LMNTD1: variants seen among roughly 807,000 people sequenced by gnomAD.
The protein encoded by LMNTD1 is lamin tail domain containing 1.
Under a neutral mutation model 50.9 loss-of-function variants are expected in LMNTD1, and 35 were observed. The ratio of observed to expected loss-of-function variants is 0.69; its 90% CI spans 0.53 to 0.91. The LOEUF (loss-of-function observed/expected upper bound fraction) is 0.91, where lower values mean the gene tolerates loss of function less well. Ranked by LOEUF, LMNTD1 falls within the 40% of genes least tolerant of loss-of-function variation. LMNTD1 has a pLI of 0.00. For missense variants in LMNTD1, 470 were observed against 475.5 expected, an observed-to-expected ratio of 0.99 and a Z score of 0.11; for synonymous variants, 153 against 161.9, an observed-to-expected ratio of 0.94 and a Z score of 0.42.
At chr12:25,521,623 T>A (rs930926990) in intron 6 of LMNTD1, among the ~76,000 whole-genome samples, 1 of 152,208 alleles carries the variant, frequency 6.6e-6, no homozygotes, top group African/African-American at 2.4e-5. Flanking sequence ...TGGGAACTGC[T>A]TTATTGAAGT....
chr12:25,590,710 C>T (rs1945671516), intron 1 of LMNTD1, among the ~76,000 whole-genome samples: 1 of 152,128 alleles, frequency 6.6e-6, no homozygotes, highest in Non-Finnish European at 1.5e-5. Flanking sequence ...GAACGTCAGC[C>T]ACAGCAGGAT....
chr12:25,542,557 T>A (rs1943158495), intron 4 of LMNTD1, among the ~76,000 whole-genome samples: 2 of 107,304 alleles, frequency 1.9e-5, no homozygotes, highest in African/African-American at 3.6e-5. Flanking sequence ...AACATTACAC[T>A]CTGGGGACTG....
intron 1 of LMNTD1, among the ~76,000 whole-genome samples, chr12:25,606,398 C>T (rs1055739708): frequency 2.6e-5 from 4 of 152,096 alleles, no homozygotes; most frequent in African/African-American, 7.2e-5. Flanking sequence ...GAGGGCATCC[C>T]TGTCTTGTGC....
At chr12:25,598,336 C>G (rs1347308976) in intron 1 of LMNTD1, among the ~76,000 whole-genome samples, 1 of 151,784 alleles carries the variant, frequency 6.6e-6, no homozygotes, top group Non-Finnish European at 1.5e-5. Context: ...ATACCAAAAC[C>G]TATGGAATAT....
chr12:25,503,500 T>C (rs796965404), intron 9 of LMNTD1, among the ~76,000 whole-genome samples: 42 of 152,300 alleles, frequency 2.8e-4, no homozygotes, highest in African/African-American at 9.6e-4. Flanking sequence ...ATTGAGGATA[T>C]GGGGCAAAAA....
chr12:25,594,665 A>AC (rs1353975484), intron 1 of LMNTD1, among the ~76,000 whole-genome samples: 2 of 150,470 alleles, frequency 1.3e-5, no homozygotes, highest in African/African-American at 4.9e-5. Context: ...AAAAAAAAAA[A>AC]AAAAAAAAAA....
chr12:25,578,708 C>T (rs1422206555), intron 1 of LMNTD1, among the ~76,000 whole-genome samples: 2 of 152,142 alleles, frequency 1.3e-5, no homozygotes, highest in African/African-American at 4.8e-5. Flanking sequence ...TACTATAACA[C>T]AGCATATGCA....
At chr12:25,533,805 A>C (rs893460777) in intron 4 of LMNTD1, among the ~76,000 whole-genome samples, 5 of 152,200 alleles carry the variant, frequency 3.3e-5, no homozygotes, top group African/African-American at 1.2e-4. Context: ...CCAAGGGAAG[A>C]ATAAATGGGG....
intron 1 of LMNTD1, among the ~76,000 whole-genome samples, chr12:25,626,341 TACAC>T (rs1555124910): frequency 6.7e-6 from 1 of 150,314 alleles, no homozygotes. Context: ...TATATATATA[TACAC>T]ACACACACAC....
intron 4 of LMNTD1, among the ~76,000 whole-genome samples, chr12:25,543,220 T>C (rs1943215580): frequency 6.6e-6 from 1 of 151,862 alleles, no homozygotes; most frequent in African/African-American, 2.4e-5. Context: ...TTCTACACAA[T>C]CTCTTCTAGA....
intron 3 of LMNTD1, chr12:25,547,193 A>G: frequency 2.1e-6 from 2 of 964,604 alleles, no homozygotes; most frequent in Non-Finnish European, 2.5e-6. Context: ...TTCTGGACAA[A>G]TCTAATAATA....
intron 1 of LMNTD1, among the ~76,000 whole-genome samples, chr12:25,648,251 C>G (rs1265837352): frequency 6.6e-6 from 1 of 152,172 alleles, no homozygotes; most frequent in Non-Finnish European, 1.5e-5. Flanking sequence ...GCTACACATA[C>G]CATTTCAACA....
intron 4 of LMNTD1, among the ~76,000 whole-genome samples, chr12:25,528,673 C>T (rs1009791742): frequency 3.9e-5 from 6 of 152,170 alleles, no homozygotes; most frequent in African/African-American, 9.7e-5. Context: ...ACAGACTCTC[C>T]TACAGCTGAG....
intron 9 of LMNTD1, 29 bp from the exon 10 acceptor site, chr12:25,476,489 T>A (rs1385153009): frequency 6.6e-6 from 1 of 152,228 alleles, no homozygotes; most frequent in Non-Finnish European, 1.5e-5. Flanking sequence ...GAGAGTGATC[T>A]GTTATTGAGC....
At chr12:25,620,821 T>C (rs1244305624) in intron 1 of LMNTD1, among the ~76,000 whole-genome samples, 1 of 152,222 alleles carries the variant, frequency 6.6e-6, no homozygotes, top group Non-Finnish European at 1.5e-5. Flanking sequence ...AATGTCAATA[T>C]CTATGAATTC....
chr12:25,523,739 G>A (rs1392349947), intron 6 of LMNTD1, among the ~76,000 whole-genome samples: 2 of 150,540 alleles, frequency 1.3e-5, no homozygotes, highest in Non-Finnish European at 2.9e-5. Context: ...CTATTTAAGG[G>A]AAATACTTTC....
At chr12:25,533,284 A>G (rs568884799) in intron 4 of LMNTD1, among the ~76,000 whole-genome samples, 3 of 152,280 alleles carry the variant, frequency 2.0e-5, no homozygotes, top group African/African-American at 7.2e-5. Flanking sequence ...TAGGAAAGTG[A>G]CCTGAGACCT....
At chr12:25,583,263 G>A (rs1265408101) in intron 1 of LMNTD1, among the ~76,000 whole-genome samples, 17 of 150,022 alleles carry the variant, frequency 1.1e-4, no homozygotes, top group African/African-American at 3.9e-4. Flanking sequence ...TCCTGACCTC[G>A]TGATCCACCC....
chr12:25,613,380 A>G (rs1946288943), intron 1 of LMNTD1, among the ~76,000 whole-genome samples: 1 of 152,196 alleles, frequency 6.6e-6, no homozygotes, highest in Non-Finnish European at 1.5e-5. Context: ...TTTTAGCTAG[A>G]TCTTTTAGTG....
Sources: allele counts gnomAD v4.1 joint callset (sites outside exome capture counted in the v4.1 genomes callset), GRCh38; gene constraint gnomAD v4.1.1; transcripts MANE v1.5; gene names NCBI Gene and HGNC (gene_info 2026-07-23, HGNC 2026-07-21).